CTNNA2: variants seen among roughly 807,000 people sequenced by gnomAD.
The protein encoded by CTNNA2 is catenin alpha 2.
A neutral mutation model predicts 101.0 loss-of-function variants in CTNNA2; 42 were observed. The ratio of observed to expected loss-of-function variants is 0.42; its 90% CI spans 0.32 to 0.54. The LOEUF (loss-of-function observed/expected upper bound fraction) is 0.54. CTNNA2 is among the 20% of genes least tolerant of loss of function. CTNNA2 has a pLI of 0.14. For missense variants in CTNNA2, 871 were observed against 1,223.1 expected (o/e 0.71, Z 4.29); for synonymous variants, 450 against 456.4 (o/e 0.99, Z 0.18).
chr2:80,072,930 T>C (rs902705488), intron 7 of CTNNA2, among the ~76,000 whole-genome samples: 1 of 152,168 alleles, frequency 6.6e-6, no homozygotes, highest in African/African-American at 2.4e-5. Context: ...CAACTCAGAG[T>C]CAAACCTTCT....
At chr2:79,877,794 G>A (rs1683138648) in intron 6 of CTNNA2, among the ~76,000 whole-genome samples, 1 of 152,068 alleles carries the variant, frequency 6.6e-6, no homozygotes, top group African/African-American at 2.4e-5. Context: ...CCATAAAAAT[G>A]CAAAATATAT....
At chr2:79,757,703 G>A (rs1315554019) in intron 3 of CTNNA2, among the ~76,000 whole-genome samples, 2 of 152,176 alleles carry the variant, frequency 1.3e-5, no homozygotes, top group African/African-American at 4.8e-5. Flanking sequence ...GTGGCTCAAT[G>A]GGTGGGGCTT....
chr2:80,502,970 C>T (rs1687990021), intron 9 of CTNNA2, among the ~76,000 whole-genome samples: 2 of 152,116 alleles, frequency 1.3e-5, no homozygotes, highest in Admixed American at 1.3e-4. Context: ...AATTTGAGAC[C>T]AGTGTAAGCA....
chr2:80,032,557 G>T (rs1259987563), intron 7 of CTNNA2, among the ~76,000 whole-genome samples: 1 of 152,004 alleles, frequency 6.6e-6, no homozygotes, highest in Non-Finnish European at 1.5e-5. Context: ...AGTATGCATG[G>T]ATACACTACT....
chr2:80,412,710 C>T (rs912602349), intron 8 of CTNNA2, among the ~76,000 whole-genome samples: 23 of 151,972 alleles, frequency 1.5e-4, no homozygotes, highest in South Asian at 4.2e-4. Flanking sequence ...CATCTTAGCC[C>T]GGCCTTCTCC....
In CTNNA2 at chr2:80,504,176, C is replaced by A. The variant is rs977864062; in HGVS notation, c.1291-40806C>A. Among the ~76,000 whole-genome samples, 10 of 152,238 alleles carry A rather than the reference C, an allele frequency of 6.6e-5. No individual in the cohort carries two copies. In the East Asian group the frequency reaches 1.9e-3, roughly 29 times the overall value. On this transcript the variant is annotated intron_variant, in intron 9 of 18. Transcript: ENST00000402739. Reference sequence around the variant, plus strand: ...GAGAAGTTCAGTGTTTTCTTCCAAGCTCCTGTGGTTGTTGGCAGAATTCAG... The same window carrying A: ...GAGAAGTTCAGTGTTTTCTTCCAAGATCCTGTGGTTGTTGGCAGAATTCAG...
chr2:80,074,113 C>G (rs1423138733), intron 7 of CTNNA2, among the ~76,000 whole-genome samples: 1 of 152,078 alleles, frequency 6.6e-6, no homozygotes, highest in African/African-American at 2.4e-5. Flanking sequence ...ACATTTCATT[C>G]AAATTCTAAA....
At chr2:80,411,616 T>C (rs1679580961) in intron 8 of CTNNA2, among the ~76,000 whole-genome samples, 1 of 152,138 alleles carries the variant, frequency 6.6e-6, no homozygotes, top group South Asian at 2.1e-4. Flanking sequence ...TTGCTTTTGG[T>C]CAATAATGTT....
intron 3 of CTNNA2, among the ~76,000 whole-genome samples, chr2:79,767,639 A>C (rs1251505744): frequency 6.6e-6 from 1 of 151,910 alleles, no homozygotes; most frequent in Non-Finnish European, 1.5e-5. Flanking sequence ...ATTCAGAAGA[A>C]TTTTCTGTAT....
At chr2:80,018,696 G>A (rs1204458852) in intron 7 of CTNNA2, among the ~76,000 whole-genome samples, 3 of 150,538 alleles carry the variant, frequency 2.0e-5, no homozygotes, top group Non-Finnish European at 2.9e-5. Context: ...CAGGAGAATC[G>A]TTTGAACCCG....
chr2:79,916,102 T>A (rs544663231), intron 7 of CTNNA2, among the ~76,000 whole-genome samples: 1 of 152,208 alleles, frequency 6.6e-6, no homozygotes, highest in African/African-American at 2.4e-5. Flanking sequence ...CCTATTATTA[T>A]GTAGATGAGG....
intron 3 of CTNNA2, 148 bp downstream of exon 3, chr2:79,744,730 G>T: frequency 1.3e-6 from 1 of 757,708 alleles, no homozygotes; most frequent in Non-Finnish European, 2.1e-6. Context: ...AATGTTTGCT[G>T]GATGTGGTAC....
intron 7 of CTNNA2, among the ~76,000 whole-genome samples, chr2:80,369,397 A>C (rs886235500): frequency 2.6e-5 from 4 of 152,244 alleles, no homozygotes; most frequent in African/African-American, 9.6e-5. Flanking sequence ...TACTTCTAGG[A>C]ACCTGTTCTA....
At chr2:79,510,808 T>C (rs1671518452), upstream of CTNNA2, among the ~76,000 whole-genome samples, 1 of 152,250 alleles carries the variant, frequency 6.6e-6, no homozygotes, top group Non-Finnish European at 1.5e-5. Context: ...GACTTTTAAA[T>C]GTCTCTCGAT....
At chr2:80,179,844 G>A (rs868319706) in intron 7 of CTNNA2, among the ~76,000 whole-genome samples, 2 of 152,194 alleles carry the variant, frequency 1.3e-5, no homozygotes, top group Non-Finnish European at 2.9e-5. Context: ...CAGTCAGGTA[G>A]CCAATGTGGG....
At chr2:80,534,736 A>T (rs1278051843) in intron 9 of CTNNA2, among the ~76,000 whole-genome samples, 1 of 152,186 alleles carries the variant, frequency 6.6e-6, no homozygotes, top group Admixed American at 6.5e-5. Context: ...AGCACTGGAA[A>T]ATTGGCAATT....
intron 3 of CTNNA2, among the ~76,000 whole-genome samples, chr2:79,811,579 A>G (rs1263881100): frequency 6.6e-6 from 1 of 152,172 alleles, no homozygotes; most frequent in Non-Finnish European, 1.5e-5. Flanking sequence ...TGTTGCATCA[A>G]TTTATATGTC....
intron 4 of CTNNA2, among the ~76,000 whole-genome samples, chr2:79,463,672 G>A (rs1001977563): frequency 6.6e-6 from 1 of 152,160 alleles, no homozygotes; most frequent in African/African-American, 2.4e-5. Context: ...AAAGATTTCA[G>A]TAATACTTCA....
intron 17 of CTNNA2, among the ~76,000 whole-genome samples, chr2:80,609,851 A>G (rs1177701073): frequency 1.3e-5 from 2 of 151,732 alleles, no homozygotes; most frequent in Non-Finnish European, 2.9e-5. Flanking sequence ...GCCGCTCTCC[A>G]TCATCCTCTC....
Sources: gnomAD v4.1 joint callset for allele counts (sites outside exome capture counted in the v4.1 genomes callset) on GRCh38, gnomAD v4.1.1 for gene constraint, MANE v1.5 for transcripts, NCBI Gene and HGNC (gene_info 2026-07-23, HGNC 2026-07-21) for gene names.